Variants in TTBK2 observed in about 807,000 individuals in gnomAD.
TTBK2 encodes the protein tau-tubulin kinase 2.
In TTBK2, 28 loss-of-function variants were observed where a neutral mutation model predicts 110.8. The ratio of observed to expected loss-of-function variants is 0.25; its 90% confidence interval spans 0.19 to 0.35. The LOEUF (loss-of-function observed/expected upper bound fraction) is 0.35. Ranked by LOEUF, TTBK2 falls within the 10% of genes least tolerant of loss-of-function variation. The pLI is 1.00. For missense variants in TTBK2, 1,369 were observed against 1,500.3 expected (o/e 0.91, Z 1.45); for synonymous variants, 532 against 527.3 (o/e 1.01, Z -0.12).
intron 6 of TTBK2, among the ~76,000 whole-genome samples, chr15:42,827,103 C>A (rs958322587): frequency 6.6e-6 from 1 of 152,050 alleles, no homozygotes; most frequent in Admixed American, 6.5e-5. Context: ...TGGATGTGGC[C>A]AAGGAAAGAG....
chr15:42,768,047 C>T (rs1210598078), intron 13 of TTBK2, among the ~76,000 whole-genome samples: 2 of 152,144 alleles, frequency 1.3e-5, no homozygotes, highest in Non-Finnish European at 2.9e-5. Context: ...AAAAGGCCTT[C>T]AACAAAATTC....
chr15:42,775,515 G>C lies in TTBK2; in HGVS notation c.1618C>G (p.Leu540Val). The stretch of plus-strand genomic sequence containing the variant: ...TCAATTTCTTGCTTGCAAGAGCTCA[G>C]GTTAACAGCTATAAATCCATTGCTG... ...GGSNGFIAVN[L>V]SSCKQEIDSK... The change falls in exon 13 of 15, where the codon CTG (leucine) becomes GTG (valine). Residue 540 changes from leucine to valine, a missense_variant. Transcript: ENST00000267890. 1 of 1,614,180 alleles carries C rather than the reference G, an allele frequency of 6.2e-7. No homozygotes were observed. Among genetic ancestry groups the C allele is most frequent in the Non-Finnish European group, 8.5e-7 (1 of 1,180,030 alleles).
rs2061792194 is a variant in TTBK2 at position 42,746,126 on chromosome 15, TGAG to T, written c.3401_3403del (p.Pro1134del). 2.5e-6 allele frequency: 4 copies of T among 1,613,984 alleles called. No individual in the cohort carries two copies. The African/African-American group carries it at 4.0e-5, about 16-fold the overall frequency. ...ACTCTTGGGTGGTGTTTTTGGATTG[TGAG>T]GAGATCCTGGACTCTTGCACTGAGT... On this transcript the variant is annotated inframe_deletion, in exon 15 of 15. Transcript: ENST00000267890.
chr15:42,830,829 C>A (rs1000374901), intron 4 of TTBK2, among the ~76,000 whole-genome samples: 2 of 151,828 alleles, frequency 1.3e-5, no homozygotes, highest in Admixed American at 1.3e-4. Context: ...CACGGTGAAA[C>A]CCTGTCTCTA....
At chr15:42,914,929 A>C (rs985565843) in intron 1 of TTBK2, among the ~76,000 whole-genome samples, 1 of 152,176 alleles carries the variant, frequency 6.6e-6, no homozygotes, top group Non-Finnish European at 1.5e-5. Context: ...TTCTCCTGCA[A>C]ATCTCTGCTT....
At chr15:42,881,521 C>A (rs576208099) in intron 1 of TTBK2, among the ~76,000 whole-genome samples, 1 of 151,600 alleles carries the variant, frequency 6.6e-6, no homozygotes, top group East Asian at 1.9e-4. Flanking sequence ...AGGTGAACAC[C>A]CTAGAAATGA....
chr15:42,810,087 G>A (rs1412382208), intron 9 of TTBK2, among the ~76,000 whole-genome samples: 1 of 152,164 alleles, frequency 6.6e-6, no homozygotes, highest in Non-Finnish European at 1.5e-5. Flanking sequence ...ACCGCTGGTT[G>A]GGGTTAGGGA....
At position 42,860,560 on chromosome 15, in the gene TTBK2, C is replaced by T. The variant is rs576890972; in HGVS notation, c.217+12051G>A. Reference sequence around the variant, plus strand: ...CCAGGAGCTCAAGACCAACTGAACTCCTTGAGCCCAGGAGTTCAGTTCAGG... The same window carrying T: ...CCAGGAGCTCAAGACCAACTGAACTTCTTGAGCCCAGGAGTTCAGTTCAGG... On this transcript the variant is annotated intron_variant, in intron 3 of 14. Coordinates refer to ENST00000267890, the MANE Select transcript of TTBK2 (RefSeq NM_173500.4). Among the ~76,000 whole-genome samples, 13 of 151,674 alleles carry T rather than the reference C, an allele frequency of 8.6e-5. No homozygotes were observed. In the East Asian group the frequency reaches 2.3e-3, roughly 27 times the overall value.
chr15:42,775,260 G>A lies in TTBK2; in HGVS notation c.1873C>T (p.Pro625Ser), dbSNP rs1889856522. Residue 625 changes from proline to serine, a missense_variant, in exon 13 of 15, where the codon CCT becomes TCT. Around this residue, in one of 4 missense-constraint regions of TTBK2, gnomAD observed 1,097 missense variants for 1,114.7 expected, o/e 0.98. Transcript: ENST00000267890. ...TATTGTTCTGAAGCAGCAGTAGGAG[G>A]ACCCTCTGCAGAAAGTGCTAAGACC... Reference protein sequence around the residue: ...GVVLALSAEGPPTAASEQYTD... With the variant: ...GVVLALSAEGSPTAASEQYTD... 4 of 1,614,166 alleles carry A rather than the reference G, an allele frequency of 2.5e-6. No homozygotes were observed. In the East Asian group the frequency reaches 8.9e-5, roughly 36 times the overall value.
rs541936974 is a variant in TTBK2, at chr15:42,853,942, T to C, written c.218-13509A>G. ...AGATCTACAGAATATTTTTTTTTTA[T>C]TTATTTACTTAGACACGGGGTCTCA... is the stretch of plus-strand genomic sequence containing the variant. On this transcript the variant is annotated intron_variant, in intron 3 of 14. Coordinates refer to ENST00000267890, the MANE Select transcript of TTBK2 (RefSeq NM_173500.4). Among the ~76,000 whole-genome samples the C allele has an allele frequency of 5.9e-5, 9 of 152,182 alleles. No homozygotes were observed. The East Asian group carries it at 1.7e-3, about 29-fold the overall frequency.
rs564053926 is a variant in TTBK2 at position 42,869,617 on chromosome 15, A to G, written c.217+2994T>C. Among the ~76,000 whole-genome samples, 3 of 152,278 alleles carry G rather than the reference A, an allele frequency of 2.0e-5. No homozygotes were observed. In the East Asian group the frequency reaches 5.8e-4, roughly 29 times the overall value. On this transcript the variant is annotated intron_variant, in intron 3 of 14. Coordinates refer to ENST00000267890, the MANE Select transcript of TTBK2 (RefSeq NM_173500.4). ...CCACCTTTGCAGTTTCAAAGCAAAT[A>G]AACTGAAAAACAAAGGATGAAGATA...
At chr15:42,889,872 A>C (rs1351581883) in intron 1 of TTBK2, among the ~76,000 whole-genome samples, 1 of 151,988 alleles carries the variant, frequency 6.6e-6, no homozygotes, top group Non-Finnish European at 1.5e-5. Context: ...ATTGCCCATT[A>C]TCTCTCCATA....
chr15:42,751,847 T>C lies in TTBK2; in HGVS notation c.3272+127A>G, dbSNP rs943040777. 17 of 1,211,688 alleles carry C rather than the reference T, an allele frequency of 1.4e-5. 1 individual carries two copies. The highest frequency in any genetic ancestry group is 2.6e-4 in the Middle Eastern group (1 of 3,902). The allele number at this position is 1,211,688 out of a possible 1,614,324, so 75.1% of individuals were successfully genotyped here. A position where few individuals can be genotyped will look rare whatever the true frequency, so the allele number is the denominator to read the frequency against. ...TTCTACTGCACTAGGCTGTAAGGCC[T>C]GGGAAAGGCAGGAAAGAAAGATACT... On this transcript the variant is annotated intron_variant, in intron 14 of 14. Coordinates refer to ENST00000267890, the MANE Select transcript of TTBK2 (RefSeq NM_173500.4).
chr15:42,892,738 G>A (rs917042050), intron 1 of TTBK2, among the ~76,000 whole-genome samples: 4 of 145,630 alleles, frequency 2.7e-5, no homozygotes, highest in African/African-American at 1.0e-4. Context: ...AGCCGGGCAC[G>A]GTGGCTCACG....
Position 42,817,188 on chromosome 15 carries a change from G to A in TTBK2, c.538-91C>T, listed in dbSNP as rs570109578. 1.4e-5 allele frequency: 12 copies of A among 849,558 alleles called. 1 individual carries two copies. Among genetic ancestry groups the A allele is most frequent in the Admixed American group, 5.4e-5 (2 of 36,878 alleles). The allele number at this position is 849,558 out of a possible 1,614,324, so 52.6% of individuals were successfully genotyped here. On this transcript the variant is annotated intron_variant, in intron 6 of 14. Transcript: ENST00000267890. Reference sequence around the variant, plus strand: ...ACCATGAAGTAAATGGAAGAAACACGTCCTTTATTGTCACAATAAAACACT... The same window carrying A: ...ACCATGAAGTAAATGGAAGAAACACATCCTTTATTGTCACAATAAAACACT...
intron 1 of TTBK2, among the ~76,000 whole-genome samples, chr15:42,904,092 G>C (rs1182578670): frequency 2.6e-5 from 4 of 152,156 alleles, no homozygotes; most frequent in Non-Finnish European, 4.4e-5. Flanking sequence ...TCTTGTGATT[G>C]CTGCAGCATA....
At chr15:42,795,844 A>C (rs1231276547) in intron 9 of TTBK2, among the ~76,000 whole-genome samples, 3 of 134,380 alleles carry the variant, frequency 2.2e-5, no homozygotes, top group Non-Finnish European at 4.8e-5. Context: ...ATCTTTCTCC[A>C]AAAAAAAAAA....
In TTBK2 at chr15:42,741,465, A is replaced by T. The variant is rs866614716; in HGVS notation, c.*4330T>A. ...ATATTGTCCACAGGGCCAAACCCCA[A>T]GTTACACAGCGCAACAGTACTTGTC... is the stretch of plus-strand genomic sequence containing the variant. On this transcript the variant is annotated 3_prime_UTR_variant, in exon 15 of 15. Coordinates refer to ENST00000267890, the MANE Select transcript of TTBK2 (RefSeq NM_173500.4). 6.6e-6 allele frequency: 1 copy of T among 152,234 alleles called. No homozygotes were observed. The highest frequency in any genetic ancestry group is 2.4e-5 in the African/African-American group (1 of 41,464). The allele number at this position is 152,234 out of a possible 1,614,324, so 9.4% of individuals were successfully genotyped here. A position where few individuals can be genotyped will look rare whatever the true frequency, so the allele number is the denominator to read the frequency against.
chr15:42,847,825 C>T (rs564011138), intron 3 of TTBK2, among the ~76,000 whole-genome samples: 2 of 152,232 alleles, frequency 1.3e-5, no homozygotes, highest in African/African-American at 4.8e-5. Context: ...TAGTTCTGTA[C>T]TACGTTTTAA....
Sources: allele counts gnomAD v4.1 joint callset (sites outside exome capture counted in the v4.1 genomes callset), GRCh38; gene constraint gnomAD v4.1.1; regional missense constraint gnomAD v4.1.1; transcripts MANE v1.5; gene names NCBI Gene and HGNC (gene_info 2026-07-23, HGNC 2026-07-21).